FRMD3: variants seen among roughly 807,000 people sequenced by gnomAD.
FRMD3 encodes FERM domain-containing protein 3.
Under a neutral mutation model 70.2 loss-of-function variants are expected in FRMD3, and 33 were observed. The ratio of observed to expected loss-of-function variants is 0.47; its 90% CI spans 0.36 to 0.63. The LOEUF (loss-of-function observed/expected upper bound fraction) is 0.63, where lower values mean the gene tolerates loss of function less well. FRMD3 is among the 20% of genes least tolerant of loss of function. The pLI is 0.00. For missense variants in FRMD3, 632 were observed against 711.4 expected (o/e 0.89, Z 1.27); for synonymous variants, 279 against 255.9 (o/e 1.09, Z -0.86).
intron 1 of FRMD3, among the ~76,000 whole-genome samples, chr9:83,391,302 T>C (rs1825659515): frequency 1.3e-5 from 2 of 152,216 alleles, no homozygotes; most frequent in South Asian, 4.1e-4. Flanking sequence ...AAGCTATACC[T>C]AACAGCTGAA....
At chr9:83,382,087 A>G (rs532580711) in intron 2 of FRMD3, among the ~76,000 whole-genome samples, 129 of 152,348 alleles carry the variant, frequency 8.5e-4, no homozygotes, top group African/African-American at 3.0e-3. Flanking sequence ...TTTATTTTAA[A>G]GTACGCTAGT....
intron 6 of FRMD3, among the ~76,000 whole-genome samples, chr9:83,323,590 G>A (rs1258894236): frequency 2.6e-5 from 4 of 152,170 alleles, no homozygotes. Context: ...GGACTCTGCA[G>A]AGAGCCCCAC....
At chr9:83,584,312 AAAAAT>A in the FRMD3 span, among the ~76,000 whole-genome samples, 1 of 152,130 alleles carries the variant, frequency 6.6e-6, no homozygotes, top group Admixed American at 6.5e-5. Context: ...TCCATCTCAA[AAAAAT>A]AAAATAAATA....
intron 13 of FRMD3, among the ~76,000 whole-genome samples, chr9:83,258,560 C>T (rs1407327551): frequency 6.6e-6 from 1 of 152,240 alleles, no homozygotes; most frequent in Non-Finnish European, 1.5e-5. Context: ...TTAACTATCT[C>T]ACAAGGCTGT....
chr9:83,467,218 C>T (rs1477705507), intron 1 of FRMD3, among the ~76,000 whole-genome samples: 1 of 152,150 alleles, frequency 6.6e-6, no homozygotes, highest in East Asian at 1.9e-4. Flanking sequence ...GTTATCCAAA[C>T]CAAAATACAT....
chr9:83,519,083 C>A (rs1459416211), intron 1 of FRMD3, among the ~76,000 whole-genome samples: 1 of 152,126 alleles, frequency 6.6e-6, no homozygotes, highest in Admixed American at 6.6e-5. Flanking sequence ...TAGGCATGGA[C>A]AAAGACTTCA....
At chr9:83,394,743 C>T (rs573176605) in intron 1 of FRMD3, among the ~76,000 whole-genome samples, 26 of 152,226 alleles carry the variant, frequency 1.7e-4, no homozygotes, top group African/African-American at 6.3e-4. Context: ...CCTATGGAAC[C>T]TAATTTTTAC....
intron 12 of FRMD3, among the ~76,000 whole-genome samples, chr9:83,291,315 T>A (rs1323779): frequency 0.19 from 28,422 of 152,094 alleles, 2,901 homozygotes; most frequent in African/African-American, 0.27. Flanking sequence ...TGGCTGAGAC[T>A]AGCAACAGAT....
At chr9:83,244,005 G>C (rs567322348), downstream of FRMD3, among the ~76,000 whole-genome samples, 3 of 152,218 alleles carry the variant, frequency 2.0e-5, no homozygotes, top group East Asian at 5.8e-4. Context: ...GTGCATGCCT[G>C]TAATTCCAGC....
intron 3 of FRMD3, among the ~76,000 whole-genome samples, chr9:83,367,513 G>A (rs964765991): frequency 6.6e-6 from 1 of 152,114 alleles, no homozygotes; most frequent in Non-Finnish European, 1.5e-5. Context: ...AAAGGACCCC[G>A]CTAAACTAGT....
intron 13 of FRMD3, among the ~76,000 whole-genome samples, chr9:83,265,445 A>G (rs1317309862): frequency 6.6e-6 from 1 of 151,536 alleles, no homozygotes; most frequent in Non-Finnish European, 1.5e-5. Context: ...AGTTAACATT[A>G]AATAAAAGTT....
chr9:83,462,725 T>C (rs1042836104), intron 1 of FRMD3, among the ~76,000 whole-genome samples: 4 of 152,264 alleles, frequency 2.6e-5, no homozygotes, highest in African/African-American at 9.6e-5. Context: ...GCTGCCATCT[T>C]CCAGCAATTT....
At chr9:83,444,049 T>C (rs4145727) in intron 1 of FRMD3, among the ~76,000 whole-genome samples, 138,053 of 152,356 alleles carry the variant, frequency 0.91, 62,692 homozygotes, top group East Asian at 1. Context: ...TGTTCAAATG[T>C]TACAATTAAT....
intron 1 of FRMD3, among the ~76,000 whole-genome samples, chr9:83,470,679 T>C (rs894085815): frequency 2.6e-5 from 4 of 152,242 alleles, no homozygotes; most frequent in Non-Finnish European, 5.9e-5. Context: ...TCAGAAGGTC[T>C]GGATTCATGA....
intron 4 of FRMD3, among the ~76,000 whole-genome samples, chr9:83,345,051 G>A (rs191194462): frequency 6.6e-6 from 1 of 152,266 alleles, no homozygotes; most frequent in Admixed American, 6.5e-5. Flanking sequence ...GAGCACTGGA[G>A]CTCACTGTTT....
At chr9:83,374,368 T>C (rs1323152927) in intron 2 of FRMD3, among the ~76,000 whole-genome samples, 1 of 150,710 alleles carries the variant, frequency 6.6e-6, no homozygotes, top group East Asian at 1.9e-4. Context: ...GTTTCAACAT[T>C]ATGGAAAGTC....
chr9:83,493,990 C>T (rs925121161), intron 1 of FRMD3, among the ~76,000 whole-genome samples: 38 of 152,202 alleles, frequency 2.5e-4, no homozygotes, highest in African/African-American at 8.4e-4. Flanking sequence ...ACTTATCACC[C>T]GCTGACCCAA....
chr9:83,310,806 G>A (rs1234633545), intron 8 of FRMD3, among the ~76,000 whole-genome samples: 3 of 152,164 alleles, frequency 2.0e-5, no homozygotes. Flanking sequence ...CTTCCAAGAA[G>A]CTCTAGTGTT....
chr9:83,464,575 C>A (rs764978497), intron 1 of FRMD3, among the ~76,000 whole-genome samples: 2 of 152,192 alleles, frequency 1.3e-5, no homozygotes, highest in Non-Finnish European at 2.9e-5. Flanking sequence ...CCCAAACACA[C>A]CTCAATCTGA....
Sources: allele counts gnomAD v4.1 joint callset (sites outside exome capture counted in the v4.1 genomes callset), GRCh38; gene constraint gnomAD v4.1.1; transcripts MANE v1.5; gene names NCBI Gene and HGNC (gene_info 2026-07-23, HGNC 2026-07-21).